KCNA2: variants seen among roughly 807,000 people sequenced by gnomAD.
The protein encoded by KCNA2 is potassium voltage-gated channel subfamily A member 2.
Under a neutral mutation model 33.4 loss-of-function variants are expected in KCNA2, and 11 were observed. The ratio of observed to expected loss-of-function variants is 0.33; its 90% CI spans 0.21 to 0.55. The LOEUF (loss-of-function observed/expected upper bound fraction) is 0.55. Among genes scored for constraint, KCNA2 ranks in the 20% least tolerant of loss-of-function variants. The probability of loss-of-function intolerance (pLI) is 0.93; values close to 1 mark genes in which losing one functional copy is unlikely to be tolerated. For synonymous variants in KCNA2, 222 were observed against 231.3 expected, an observed-to-expected ratio of 0.96 and a Z score of 0.37; for missense variants, 291 against 621.6, an observed-to-expected ratio of 0.47 and a Z score of 5.66.
chr1:110,616,120 G>A (rs1018086344), intron 1 of KCNA2, among the ~76,000 whole-genome samples: 1 of 152,228 alleles, frequency 6.6e-6, no homozygotes, highest in African/African-American at 2.4e-5. Context: ...GGTTCTGCAT[G>A]CCTCAAAGGA....
At position 110,597,928 on chromosome 1, in the gene KCNA2, T is replaced by C. The variant is rs1478225852; in HGVS notation, c.*5355A>G. 1.0e-6 allele frequency: 1 copy of C among 985,300 alleles called. No homozygotes were observed. 61.0% of individuals were successfully genotyped at this position (985,300 alleles called of 1,614,324 possible). A position where few individuals can be genotyped will look rare whatever the true frequency, so the allele number is the denominator to read the frequency against. On this transcript the variant is annotated 3_prime_UTR_variant, in exon 3 of 3. Transcript: ENST00000316361. ...GTTTGAGGAAGAGAACCTTCCTGCA[T>C]GTAGGGGAGCCCCTACCTCCATCTG...
At chr1:110,611,959 GGTTGCAGTGAGCT>G (rs1322601779) in intron 1 of KCNA2, among the ~76,000 whole-genome samples, 1 of 152,188 alleles carries the variant, frequency 6.6e-6, no homozygotes, top group Non-Finnish European at 1.5e-5. Context: ...GCGCGGTGGA[GGTTGCAGTGAGCT>G]GAGATTGCAC....
chr1:110,621,993 C>A (rs1330296845), intron 1 of KCNA2, among the ~76,000 whole-genome samples: 1 of 152,114 alleles, frequency 6.6e-6, no homozygotes, highest in Non-Finnish European at 1.5e-5. Context: ...ACTTTTCAAT[C>A]CATTATGTGA....
In KCNA2 at chr1:110,602,891, G is replaced by A; in HGVS notation, c.*392C>T. 9.7e-7 allele frequency: 1 copy of A among 1,030,152 alleles called. No individual in the cohort carries two copies. The highest frequency in any genetic ancestry group is 1.2e-6 in the Non-Finnish European group (1 of 859,474). The allele number at this position is 1,030,152 out of a possible 1,614,324, so 63.8% of individuals were successfully genotyped here. ...CCATGATTGTGTTCCTCTGTGAAAG[G>A]GCAGGTGGGCTCAAATAAGGTGGTG... On this transcript the variant is annotated 3_prime_UTR_variant, in exon 3 of 3. Transcript: ENST00000316361.
upstream of KCNA2, among the ~76,000 whole-genome samples, chr1:110,609,015 C>G (rs1396576928): frequency 6.6e-6 from 1 of 152,192 alleles, no homozygotes; most frequent in African/African-American, 2.4e-5. Context: ...CCCATTCCCT[C>G]TGCTTCCCAG....
In KCNA2 at chr1:110,596,330, A is replaced by C; in HGVS notation, c.*6953T>G. 2.5e-6 allele frequency: 1 copy of C among 407,868 alleles called. No individual in the cohort carries two copies. Among genetic ancestry groups the C allele is most frequent in the Non-Finnish European group, 3.3e-6 (1 of 306,192 alleles). 25.3% of individuals were successfully genotyped at this position (407,868 alleles called of 1,614,324 possible). On this transcript the variant is annotated 3_prime_UTR_variant, in exon 3 of 3. Coordinates refer to ENST00000316361, the MANE Select transcript of KCNA2 (RefSeq NM_004974.4). Reference sequence around the variant, plus strand: ...ATTTAAAAATAGTATACATATATACATATACTATATATATATATATACACA... The same window carrying C: ...ATTTAAAAATAGTATACATATATACCTATACTATATATATATATATACACA...
intron 1 of KCNA2, among the ~76,000 whole-genome samples, chr1:110,628,448 A>G (rs1474005473): frequency 6.6e-6 from 1 of 152,144 alleles, no homozygotes; most frequent in East Asian, 1.9e-4. Flanking sequence ...TCCGTATTCC[A>G]CTGGTTTCCA....
At chr1:110,615,214 G>T (rs115119107) in intron 1 of KCNA2, among the ~76,000 whole-genome samples, 2 of 152,130 alleles carry the variant, frequency 1.3e-5, no homozygotes, top group Non-Finnish European at 2.9e-5. Flanking sequence ...AGCAGGGCCC[G>T]CCTGCCACAC....
intron 1 of KCNA2, among the ~76,000 whole-genome samples, chr1:110,614,585 C>T (rs1414201057): frequency 6.6e-6 from 1 of 152,208 alleles, no homozygotes; most frequent in African/African-American, 2.4e-5. Flanking sequence ...GACTTTATTA[C>T]CAGGTGACCT....
At position 110,601,157 on chromosome 1, in the gene KCNA2, T is replaced by C. The variant is rs1267344425; in HGVS notation, c.*2126A>G. ...ATTCTTTACCCATCCTTTGGTTCTT[T>C]TTAAAAAGCAGCTCTGGTTGCCAGT... On this transcript the variant is annotated 3_prime_UTR_variant, in exon 3 of 3. Transcript: ENST00000316361. The C allele has an allele frequency of 5.1e-6, 5 of 985,372 alleles. No individual in the cohort carries two copies. Among genetic ancestry groups the C allele is most frequent in the Non-Finnish European group, 6.0e-6 (5 of 829,994 alleles). The allele number at this position is 985,372 out of a possible 1,614,324, so 61.0% of individuals were successfully genotyped here.
At chr1:110,616,139 C>T (rs964236772) in intron 1 of KCNA2, among the ~76,000 whole-genome samples, 10 of 152,222 alleles carry the variant, frequency 6.6e-5, no homozygotes, top group Non-Finnish European at 1.3e-4. Context: ...GAATTCCTCT[C>T]TTCTCTGAAC....
Position 110,602,828 on chromosome 1 carries a change from A to G in KCNA2, c.*455T>C. On this transcript the variant is annotated 3_prime_UTR_variant, in exon 3 of 3. Transcript: ENST00000316361. Reference sequence around the variant, plus strand: ...TGTTCTTTTCAATGCAAAAATGAGTATGACCTTTTGAACAAACACCAGCTA... The same window carrying G: ...TGTTCTTTTCAATGCAAAAATGAGTGTGACCTTTTGAACAAACACCAGCTA... 1.0e-6 allele frequency: 1 copy of G among 999,518 alleles called. No homozygotes were observed. The highest frequency in any genetic ancestry group is 1.2e-6 in the Non-Finnish European group (1 of 839,436). The allele number at this position is 999,518 out of a possible 1,614,324, so 61.9% of individuals were successfully genotyped here. A position where few individuals can be genotyped will look rare whatever the true frequency, so the allele number is the denominator to read the frequency against.
At chr1:110,615,864 C>G (rs1220490538) in intron 1 of KCNA2, among the ~76,000 whole-genome samples, 1 of 152,140 alleles carries the variant, frequency 6.6e-6, no homozygotes, top group Non-Finnish European at 1.5e-5. Context: ...GGTTTCCTGT[C>G]CCTCTCACAC....
intron 1 of KCNA2, among the ~76,000 whole-genome samples, chr1:110,623,890 A>C (rs1200880943): frequency 6.6e-6 from 1 of 152,104 alleles, no homozygotes; most frequent in Non-Finnish European, 1.5e-5. Flanking sequence ...ATGAAATACA[A>C]ATTTAAAGCA....
Position 110,604,873 on chromosome 1 carries a change from A to G in KCNA2, c.-91T>C. 8.1e-7 allele frequency: 1 copy of G among 1,240,504 alleles called. No homozygotes were observed. The highest frequency in any genetic ancestry group is 1.1e-6 in the Non-Finnish European group (1 of 879,316). The allele number at this position is 1,240,504 out of a possible 1,614,324, so 76.8% of individuals were successfully genotyped here. A position where few individuals can be genotyped will look rare whatever the true frequency, so the allele number is the denominator to read the frequency against. Reference sequence around the variant, plus strand: ...TGCTGCTACTGGCCCCAGGAAGCACAGGAGCATTGGCCTGGTCTCCTGCAG... The same window carrying G: ...TGCTGCTACTGGCCCCAGGAAGCACGGGAGCATTGGCCTGGTCTCCTGCAG... On this transcript the variant is annotated 5_prime_UTR_variant, in exon 3 of 3. Coordinates refer to ENST00000316361, the MANE Select transcript of KCNA2 (RefSeq NM_004974.4). The surrounding 1 kb of genome is among the most constrained non-coding windows in gnomAD (Gnocchi z 7.6).
At position 110,604,677 on chromosome 1, in the gene KCNA2, C is replaced by T. The variant is rs954141535; in HGVS notation, c.106G>A (p.Val36Met). The part of the protein sequence containing the change: ...EADHECCERV[V>M]INISGLRFET... ...AACCGCAGCCCTGAGATGTTGATCA[C>T]CACCCTCTCACAGCACTCGTGGTCT... Residue 36 changes from valine to methionine, a missense_variant, in exon 3 of 3, where the codon GTG becomes ATG. Coordinates refer to ENST00000316361, the MANE Select transcript of KCNA2 (RefSeq NM_004974.4). The surrounding 1 kb of genome is among the most constrained non-coding windows in gnomAD (Gnocchi z 7.6). 6.2e-7 allele frequency: 1 copy of T among 1,614,180 alleles called. No individual in the cohort carries two copies. The highest frequency in any genetic ancestry group is 8.5e-7 in the Non-Finnish European group (1 of 1,180,028).
At chr1:110,615,908 A>G (rs12411052) in intron 1 of KCNA2, among the ~76,000 whole-genome samples, 22,840 of 152,136 alleles carry the variant, frequency 0.15, 2,244 homozygotes, top group African/African-American at 0.25. Flanking sequence ...CTTGCTGTTC[A>G]CCTGAAATTC....
In KCNA2 at chr1:110,601,697, A is replaced by C. The variant is rs1004110314; in HGVS notation, c.*1586T>G. On this transcript the variant is annotated 3_prime_UTR_variant, in exon 3 of 3. Coordinates refer to ENST00000316361, the MANE Select transcript of KCNA2 (RefSeq NM_004974.4). Reference sequence around the variant, plus strand: ...CAGGCCCAGTGGGGTTACCAATGAGACAAATTAACCCATTAGGCCTCTTAG... The same window carrying C: ...CAGGCCCAGTGGGGTTACCAATGAGCCAAATTAACCCATTAGGCCTCTTAG... The C allele has an allele frequency of 3.9e-5, 43 of 1,114,980 alleles. No individual in the cohort carries two copies. Among genetic ancestry groups the C allele is most frequent in the Middle Eastern group, 3.7e-4 (1 of 2,696 alleles). The allele number at this position is 1,114,980 out of a possible 1,614,324, so 69.1% of individuals were successfully genotyped here.
At position 110,598,406 on chromosome 1, in the gene KCNA2, CCT is replaced by C; in HGVS notation, c.*4875_*4876del. ...TATAGTTTCCTTAGGGGGGAGTCAG[CCT>C]CTGTGACTCTACTACTGTGGGCAGT... is the stretch of plus-strand genomic sequence containing the variant. On this transcript the variant is annotated 3_prime_UTR_variant, in exon 3 of 3. Transcript: ENST00000316361. 2.0e-6 allele frequency: 2 copies of C among 985,372 alleles called. No individual in the cohort carries two copies. Among genetic ancestry groups the C allele is most frequent in the Non-Finnish European group, 2.4e-6 (2 of 829,932 alleles). 61.0% of individuals were successfully genotyped at this position (985,372 alleles called of 1,614,324 possible). A position where few individuals can be genotyped will look rare whatever the true frequency, so the allele number is the denominator to read the frequency against.
Sources: gnomAD v4.1 joint callset for allele counts (sites outside exome capture counted in the v4.1 genomes callset) on GRCh38, gnomAD v4.1.1 for gene constraint, Gnocchi (gnomAD v3.1) non-coding constraint, MANE v1.5 for transcripts, NCBI Gene and HGNC (gene_info 2026-07-23, HGNC 2026-07-21) for gene names.